Variants in FAM135B observed in about 807,000 individuals in gnomAD.
The protein encoded by FAM135B is protein FAM135B.
FAM135B carries 43 observed loss-of-function variants against 127.7 expected under a neutral mutation model. The observed-to-expected ratio is 0.34, with a 90% CI of 0.26 to 0.43. The LOEUF is 0.43. Ranked by LOEUF, FAM135B falls within the 20% of genes least tolerant of loss-of-function variation. The probability of loss-of-function intolerance (pLI) is 1.00; values close to 1 mark genes in which losing one functional copy is unlikely to be tolerated. For missense variants in FAM135B, 1,558 were observed against 1,725.6 expected (o/e 0.90, Z 1.72); for synonymous variants, 670 against 665.1 (o/e 1.01, Z -0.11).
intron 7 of FAM135B, among the ~76,000 whole-genome samples, chr8:138,213,376 T>C (rs1373293849): frequency 6.6e-6 from 1 of 152,214 alleles, no homozygotes; most frequent in African/African-American, 2.4e-5. Context: ...AATATCGTTA[T>C]AATGCCAACA....
At chr8:138,483,986 T>C (rs1814890481) in intron 1 of FAM135B, among the ~76,000 whole-genome samples, 1 of 152,232 alleles carries the variant, frequency 6.6e-6, no homozygotes, top group Non-Finnish European at 1.5e-5. Flanking sequence ...TCTGCAATTT[T>C]AGTAAATGCT....
rs1251402031 is a variant in FAM135B, at chr8:138,169,414, G to GTTC, written c.1104-1368_1104-1366dup. Among the ~76,000 whole-genome samples the GTTC allele has an allele frequency of 1.0e-3, 137 of 136,666 alleles. 5 individuals are homozygous for GTTC. Among genetic ancestry groups the GTTC allele is most frequent in the African/African-American group, 3.9e-3 (116 of 29,956 alleles). The allele number at this position is 136,666 out of a possible 152,430, so 89.7% of individuals were successfully genotyped here. A position where few individuals can be genotyped will look rare whatever the true frequency, so the allele number is the denominator to read the frequency against. On this transcript the variant is annotated intron_variant, in intron 11 of 19. Coordinates refer to ENST00000395297, the MANE Select transcript of FAM135B (RefSeq NM_015912.4). ...TCTCTGAATATTTAACTCTTTAAAT[G>GTTC]TTCTCTGAATATTTAACTCTTTAAA...
chr8:138,239,510 T>C (rs928942676), intron 7 of FAM135B, among the ~76,000 whole-genome samples: 27 of 152,228 alleles, frequency 1.8e-4, no homozygotes, highest in African/African-American at 6.3e-4. Flanking sequence ...GTAGGTTGCC[T>C]GTTCACTCTG....
intron 7 of FAM135B, among the ~76,000 whole-genome samples, chr8:138,218,106 T>A (rs1374830848): frequency 6.6e-6 from 1 of 152,194 alleles, no homozygotes; most frequent in Non-Finnish European, 1.5e-5. Context: ...ATAACTAAGA[T>A]GACTTCCAAA....
At chr8:138,372,850 T>C (rs959577972) in intron 1 of FAM135B, among the ~76,000 whole-genome samples, 4 of 152,164 alleles carry the variant, frequency 2.6e-5, no homozygotes, top group African/African-American at 7.2e-5. Context: ...GGGAGCTTTC[T>C]AGCCATCCCA....
intron 4 of FAM135B, among the ~76,000 whole-genome samples, chr8:138,264,258 T>C (rs1430094999): frequency 6.6e-6 from 1 of 152,250 alleles, no homozygotes; most frequent in Admixed American, 6.5e-5. Flanking sequence ...AGGCCTCTTC[T>C]GTCTGTCACT....
rs867471938 is a variant in FAM135B at position 138,143,018 on chromosome 8, C to T, written c.3632G>A (p.Arg1211Gln). The part of the protein sequence containing the change: ...HIQLYNLSIS[R>Q]ISFIGHSLGN... ...ACCTGTGGTTTCCTTTTACCTAATT[C>T]GGGATATGGAGAGGTTGTACAACTG... is the stretch of plus-strand genomic sequence containing the variant. The change falls in exon 16 of 20, where the codon CGA becomes CAA. Residue 1211 changes from arginine to glutamine, a missense_variant. By Grantham distance (43) the Arg-to-Gln change is conservative (BLOSUM62 1). Around this residue, in one of 5 missense-constraint regions of FAM135B, gnomAD observed 194 missense variants for 333.8 expected, o/e 0.58. Coordinates refer to ENST00000395297, the MANE Select transcript of FAM135B (RefSeq NM_015912.4). 6.4e-7 allele frequency: 1 copy of T among 1,563,134 alleles called. No individual in the cohort carries two copies. Among genetic ancestry groups the T allele is most frequent in the Non-Finnish European group, 8.8e-7 (1 of 1,133,684 alleles).
chr8:138,217,141 T>C (rs188936814), intron 7 of FAM135B, among the ~76,000 whole-genome samples: 1 of 152,202 alleles, frequency 6.6e-6, no homozygotes, highest in Non-Finnish European at 1.5e-5. Context: ...CACCATTATC[T>C]AATGCCTGAC....
chr8:138,356,828 G>GA (rs1390486989), intron 2 of FAM135B, among the ~76,000 whole-genome samples: 6 of 152,152 alleles, frequency 3.9e-5, no homozygotes. Context: ...TTCTGTTTAT[G>GA]AAAACTCCTC....
At chr8:138,297,037 G>A (rs1586996782) in intron 3 of FAM135B, among the ~76,000 whole-genome samples, 1 of 152,092 alleles carries the variant, frequency 6.6e-6, no homozygotes, top group Non-Finnish European at 1.5e-5. Flanking sequence ...TGTGCTGAGC[G>A]ATGTGACCCA....
Position 138,146,047 on chromosome 8 carries a change from T to G in FAM135B, c.3452A>C (p.Asn1151Thr). Reference protein sequence around the residue: ...LVVCVHGLDGNSADLRLVKTF... With the variant: ...LVVCVHGLDGTSADLRLVKTF... Reference sequence around the variant, plus strand: ...CTTTACCAGCCGGAGGTCTGCACTGTTCCCTAAAAATGACAGATAACCCCC... The same window carrying G: ...CTTTACCAGCCGGAGGTCTGCACTGGTCCCTAAAAATGACAGATAACCCCC... Residue 1151 changes from asparagine (N) to threonine (T), a missense_variant, in exon 15 of 20, where the codon AAC (asparagine) becomes ACC (threonine). Asn to Thr is a moderately conservative substitution (Grantham distance 65). Around this residue, in one of 5 missense-constraint regions of FAM135B, gnomAD observed 194 missense variants for 333.8 expected, o/e 0.58. Transcript: ENST00000395297. 1 of 1,590,822 alleles carries G rather than the reference T, an allele frequency of 6.3e-7. No homozygotes were observed. Among genetic ancestry groups the G allele is most frequent in the Non-Finnish European group, 8.6e-7 (1 of 1,160,316 alleles).
intron 15 of FAM135B, among the ~76,000 whole-genome samples, chr8:138,143,692 G>A (rs1247661353): frequency 6.6e-6 from 1 of 152,208 alleles, no homozygotes; most frequent in African/African-American, 2.4e-5. Context: ...TATTAGATTG[G>A]TTTCTATAAC....
At chr8:138,355,218 G>T (rs966947654) in intron 2 of FAM135B, among the ~76,000 whole-genome samples, 11 of 152,018 alleles carry the variant, frequency 7.2e-5, no homozygotes, top group African/African-American at 2.7e-4. Flanking sequence ...CCCATTACTG[G>T]GTATACACCC....
chr8:138,316,151 T>C (rs909439716), intron 2 of FAM135B, among the ~76,000 whole-genome samples: 1 of 152,210 alleles, frequency 6.6e-6, no homozygotes, highest in Non-Finnish European at 1.5e-5. Flanking sequence ...ATACTTTAAA[T>C]ACATACAATA....
At chr8:138,156,196 A>G (rs1818723700) in intron 12 of FAM135B, among the ~76,000 whole-genome samples, 1 of 152,218 alleles carries the variant, frequency 6.6e-6, no homozygotes, top group African/African-American at 2.4e-5. Flanking sequence ...CTGAATGACT[A>G]CTGGGTTCAT....
At chr8:138,160,196 C>T (rs959286362) in intron 12 of FAM135B, among the ~76,000 whole-genome samples, 6 of 151,928 alleles carry the variant, frequency 3.9e-5, no homozygotes, top group South Asian at 4.2e-4. Context: ...CTATGGATCT[C>T]CTTTTTGACT....
chr8:138,236,476 G>A (rs72614005), intron 7 of FAM135B, among the ~76,000 whole-genome samples: 14,305 of 151,864 alleles, frequency 0.094, 1,075 homozygotes, highest in East Asian at 0.25. Flanking sequence ...AAAGAAGGAC[G>A]AAAGGTATCA....
At chr8:138,205,911 T>C (rs1361304684) in intron 7 of FAM135B, among the ~76,000 whole-genome samples, 1 of 151,840 alleles carries the variant, frequency 6.6e-6, no homozygotes, top group Non-Finnish European at 1.5e-5. Flanking sequence ...GACCCAGGTA[T>C]CTGTTCCATT....
intron 13 of FAM135B, among the ~76,000 whole-genome samples, chr8:138,150,350 G>A (rs1818017824): frequency 6.6e-6 from 1 of 152,174 alleles, no homozygotes; most frequent in Non-Finnish European, 1.5e-5. Context: ...ATATTCATAA[G>A]AGAGTTATAA....
Sources: gnomAD v4.1 joint callset for allele counts (sites outside exome capture counted in the v4.1 genomes callset) on GRCh38, gnomAD v4.1.1 for gene constraint, gnomAD v4.1.1 regional missense constraint, MANE v1.5 for transcripts, NCBI Gene and HGNC (gene_info 2026-07-23, HGNC 2026-07-21) for gene names.